The following ZNF184 variants were observed in gnomAD, a reference collection of about 807,000 sequenced individuals.
ZNF184 encodes zinc finger protein 184.
ZNF184 carries 16 observed loss-of-function variants against 54.4 expected under a neutral mutation model. The observed-to-expected ratio is 0.29, with a 90% confidence interval of 0.20 to 0.45. ZNF184 has a LOEUF of 0.45. ZNF184 is among the 20% of genes least tolerant of loss of function. The pLI is 1.00. For missense variants in ZNF184, 681 were observed against 888.2 expected (o/e 0.77, Z 2.97); for synonymous variants, 254 against 295.3 (o/e 0.86, Z 1.43).
Position 27,453,026 on chromosome 6 carries a change from G to A in ZNF184, c.533C>T (p.Pro178Leu), listed in dbSNP as rs762401256. ...EKTIPSWEKG[P>L]VNNEFGKSVN... ...ACTTTTCCCAAATTCATTATTTACA[G>A]GGCCTTTTTCCCAACTGGGTATTGT... is the stretch of plus-strand genomic sequence containing the variant. The change falls in exon 6 of 6, where the codon CCT becomes CTT. Residue 178 changes from proline to leucine, a missense_variant. Coordinates refer to ENST00000683788, the MANE Select transcript of ZNF184 (RefSeq NM_001318891.2). The surrounding 1 kb of genome is among the most constrained non-coding windows in gnomAD (Gnocchi z 4.7). The A allele has an allele frequency of 1.2e-6, 2 of 1,614,052 alleles. No homozygotes were observed. Among genetic ancestry groups the A allele is most frequent in the Non-Finnish European group, 1.7e-6 (2 of 1,179,984 alleles).
chr6:27,442,675 GAGAA>G, the ZNF184 span, among the ~76,000 whole-genome samples: 7 of 132,174 alleles, frequency 5.3e-5, no homozygotes, highest in Admixed American at 1.6e-4. Flanking sequence ...AAGAAAGAGA[GAGAA>G]AGAAAGAAAG....
At chr6:27,469,250 C>T (rs1444701451) in intron 2 of ZNF184, among the ~76,000 whole-genome samples, 1 of 152,190 alleles carries the variant, frequency 6.6e-6, no homozygotes, top group Non-Finnish European at 1.5e-5. Flanking sequence ...CTAGGCACAC[C>T]TGTTTCCACA....
chr6:27,447,117 T>C (rs1762646878), downstream of ZNF184, among the ~76,000 whole-genome samples: 3 of 151,890 alleles, frequency 2.0e-5, no homozygotes, highest in South Asian at 6.2e-4. Flanking sequence ...CTGTTGGGTT[T>C]TGGAAAATAG....
the ZNF184 span, among the ~76,000 whole-genome samples, chr6:27,445,635 C>A: frequency 2.0e-5 from 3 of 148,212 alleles, no homozygotes; most frequent in Non-Finnish European, 4.4e-5. Flanking sequence ...TGGTGCCATG[C>A]ATTTTGACTT....
the ZNF184 span, among the ~76,000 whole-genome samples, chr6:27,436,595 A>G: frequency 6.6e-6 from 1 of 152,158 alleles, no homozygotes; most frequent in Non-Finnish European, 1.5e-5. Flanking sequence ...TCAGTTGTTA[A>G]ACCATTCATA....
intron 5 of ZNF184, among the ~76,000 whole-genome samples, chr6:27,455,791 AAAG>A (rs1282865325): frequency 6.6e-6 from 1 of 152,172 alleles, no homozygotes; most frequent in Non-Finnish European, 1.5e-5. Context: ...TTTCCCCCGT[AAAG>A]AAGAACCTCA....
At chr6:27,405,115 G>A in the ZNF184 span, 1 of 152,050 alleles carries the variant, frequency 6.6e-6, no homozygotes, top group Non-Finnish European at 1.5e-5. Flanking sequence ...TGGTGCAAAA[G>A]TAACTGCAAT....
At chr6:27,420,917 GA>G in the ZNF184 span, among the ~76,000 whole-genome samples, 27 of 152,264 alleles carry the variant, frequency 1.8e-4, no homozygotes, top group African/African-American at 6.3e-4. Flanking sequence ...GTGCTAAAAA[GA>G]AATGAGCTAT....
the ZNF184 span, among the ~76,000 whole-genome samples, chr6:27,427,849 G>A: frequency 6.6e-6 from 1 of 152,168 alleles, no homozygotes; most frequent in African/African-American, 2.4e-5. Context: ...CAAATTTAGT[G>A]GGCAGAAGTC....
intron 3 of ZNF184, among the ~76,000 whole-genome samples, chr6:27,459,349 G>C (rs187949283): frequency 5.3e-4 from 80 of 151,496 alleles, no homozygotes; most frequent in Admixed American, 1.4e-3. Flanking sequence ...GTATCCCATG[G>C]ATATGTACAA....
the ZNF184 span, among the ~76,000 whole-genome samples, chr6:27,412,569 G>C: frequency 6.6e-6 from 1 of 152,196 alleles, no homozygotes. Context: ...AAATATTGAC[G>C]AAAAGAGTCA....
intron 3 of ZNF184, among the ~76,000 whole-genome samples, chr6:27,465,265 A>G (rs1763102756): frequency 6.6e-6 from 1 of 151,336 alleles, no homozygotes; most frequent in South Asian, 2.1e-4. Context: ...CGGGCGGATC[A>G]CGAAGTCAGG....
At chr6:27,432,631 T>C in the ZNF184 span, among the ~76,000 whole-genome samples, 2 of 152,290 alleles carry the variant, frequency 1.3e-5, no homozygotes, top group South Asian at 2.1e-4. The surrounding 1 kb of genome is among the most constrained non-coding windows in gnomAD (Gnocchi z 4.0). Flanking sequence ...CCCAGATCTT[T>C]CTGTGGTTTC....
At chr6:27,450,574 A>C, downstream of ZNF184, among the ~76,000 whole-genome samples, 1 of 152,066 alleles carries the variant, frequency 6.6e-6, no homozygotes, top group East Asian at 1.9e-4. Context: ...TCCAGCTTTA[A>C]ACAAATTTCT....
chr6:27,471,945 A>T (rs898192879), intron 2 of ZNF184, among the ~76,000 whole-genome samples: 45 of 152,202 alleles, frequency 3.0e-4, no homozygotes, highest in African/African-American at 1.0e-3. Context: ...AGATTTCAAA[A>T]CTGACTCTTT....
chr6:27,435,753 C>T, the ZNF184 span, among the ~76,000 whole-genome samples: 1 of 152,124 alleles, frequency 6.6e-6, no homozygotes, highest in South Asian at 2.1e-4. Flanking sequence ...GTTAAAACTC[C>T]CTGAGAGAAA....
chr6:27,432,042 G>A, the ZNF184 span, among the ~76,000 whole-genome samples: 12 of 152,230 alleles, frequency 7.9e-5, no homozygotes, highest in Non-Finnish European at 1.5e-4. The surrounding 1 kb of genome is among the most constrained non-coding windows in gnomAD (Gnocchi z 4.0). Flanking sequence ...TTAGGGGATG[G>A]GACTGGGATA....
At position 27,451,315 on chromosome 6, in the gene ZNF184, A is replaced by G. The variant is rs1388560185; in HGVS notation, c.2244T>C (p.His748=). ...RSALNKHQRL[H]PGI ...GTTCCTAGAATTGTCATATGCCAGG[A>G]TGCAGTCTCTGATGTTTGTTGAGAG... The change falls in exon 6 of 6, where the codon CAT becomes CAC. Residue 748 remains histidine (H), a synonymous_variant. Transcript: ENST00000683788. The G allele has an allele frequency of 6.3e-7, 1 of 1,593,078 alleles. No individual in the cohort carries two copies. Among genetic ancestry groups the G allele is most frequent in the East Asian group, 2.2e-5 (1 of 44,626 alleles).
the ZNF184 span, among the ~76,000 whole-genome samples, chr6:27,441,644 A>G: frequency 1.3e-5 from 2 of 152,186 alleles, no homozygotes; most frequent in African/African-American, 4.8e-5. Flanking sequence ...TAGGATTCTT[A>G]TTTTAAAAAT....
Sources: gnomAD v4.1 joint callset for allele counts (sites outside exome capture counted in the v4.1 genomes callset) on GRCh38, gnomAD v4.1.1 for gene constraint, Gnocchi (gnomAD v3.1) non-coding constraint, MANE v1.5 for transcripts, NCBI Gene and HGNC (gene_info 2026-07-23, HGNC 2026-07-21) for gene names.